Variants in HHIPL2 observed in about 807,000 individuals in gnomAD.
HHIPL2 encodes the protein HHIP like 2, also known as HHIP-like protein 2.
HHIPL2 carries 61 observed loss-of-function variants against 61.0 expected under a neutral mutation model. That is an observed-to-expected ratio of 1.00 (90% confidence interval 0.81 to 1.24). The LOEUF is 1.24. Among genes scored for constraint, HHIPL2 ranks in the 50% most tolerant of loss-of-function variants. The probability of loss-of-function intolerance (pLI) is 0.00; values close to 1 mark genes in which losing one functional copy is unlikely to be tolerated. For synonymous variants in HHIPL2, 343 were observed against 357.4 expected, an observed-to-expected ratio of 0.96 and a Z score of 0.45; for missense variants, 885 against 910.2, an observed-to-expected ratio of 0.97 and a Z score of 0.36.
rs751214626 is a variant in HHIPL2 at position 222,544,197 on chromosome 1, A to T, written c.322-8T>A. ...TGCGTAGGGCGAGCACTCCTAAAAA[A>T]GAACGCGGAGCTCAGGCTCAGCATC... On this transcript the variant is annotated splice_polypyrimidine_tract_variant and splice_region_variant and intron_variant, in intron 1 of 8. Transcript: ENST00000343410. 3.1e-6 allele frequency: 5 copies of T among 1,604,746 alleles called. No individual in the cohort carries two copies. The highest frequency in any genetic ancestry group is 4.3e-6 in the Non-Finnish European group (5 of 1,175,764).
Position 222,543,774 on chromosome 1 carries a change from G to A in HHIPL2, c.737C>T (p.Pro246Leu), listed in dbSNP as rs1211599983. 2 of 1,614,152 alleles carry A rather than the reference G, an allele frequency of 1.2e-6. No homozygotes were observed. The highest frequency in any genetic ancestry group is 1.7e-5 in the Admixed American group (1 of 60,024). The part of the protein sequence containing the change: ...EQVGVVWVYL[P>L]DGSRLEQPFL... Reference sequence around the variant, plus strand: ...GGGTTGCTCCAGGCGACTCCCATCAGGGAGGTAGACCCACACCACTCCTAC... The same window carrying A: ...GGGTTGCTCCAGGCGACTCCCATCAAGGAGGTAGACCCACACCACTCCTAC... Residue 246 changes from proline to leucine, a missense_variant, in exon 2 of 9, where the codon CCT (proline) becomes CTT (leucine). Physicochemically the swap from Pro to Leu is moderately conservative, Grantham distance 98. Coordinates refer to ENST00000343410, the MANE Select transcript of HHIPL2 (RefSeq NM_024746.4).
intron 7 of HHIPL2, among the ~76,000 whole-genome samples, chr1:222,525,947 C>T (rs1356995624): frequency 2.0e-5 from 3 of 151,698 alleles, no homozygotes; most frequent in Non-Finnish European, 2.9e-5. Flanking sequence ...TGCAGTGAGC[C>T]GAGATCGTGT....
intron 1 of HHIPL2, among the ~76,000 whole-genome samples, chr1:222,545,756 C>T (rs1035218900): frequency 2.0e-5 from 3 of 152,040 alleles, no homozygotes; most frequent in African/African-American, 7.3e-5. Flanking sequence ...TCTAGCCAGG[C>T]GCAGTAGCTC....
chr1:222,543,096 A>G (rs1659470641), intron 2 of HHIPL2, among the ~76,000 whole-genome samples: 1 of 152,158 alleles, frequency 6.6e-6, no homozygotes, highest in Admixed American at 6.5e-5. Context: ...GTCAGTTAAA[A>G]CTGAGTCCTC....
Position 222,527,065 on chromosome 1 carries a change from A to G in HHIPL2, c.1724-15T>C, listed in dbSNP as rs758755602. ...ATACAGCTCCCCTAAGGCAACAAAAATAGACAGGCAATAATGGGACATCAG... is the reference window on the plus strand; with the variant it reads ...ATACAGCTCCCCTAAGGCAACAAAAGTAGACAGGCAATAATGGGACATCAG... On this transcript the variant is annotated splice_polypyrimidine_tract_variant and intron_variant, in intron 6 of 8. Transcript: ENST00000343410. 6.2e-6 allele frequency: 10 copies of G among 1,600,380 alleles called. No individual in the cohort carries two copies. The highest frequency in any genetic ancestry group is 7.7e-6 in the Non-Finnish European group (9 of 1,168,942).
chr1:222,525,537 C>G (rs1170271728), intron 7 of HHIPL2, among the ~76,000 whole-genome samples: 1 of 152,128 alleles, frequency 6.6e-6, no homozygotes, highest in East Asian at 1.9e-4. Context: ...TAGAGCTGGC[C>G]CCCCCAAGCC....
chr1:222,544,859 G>A lies in HHIPL2; in HGVS notation c.322-670C>T, dbSNP rs561732649. Among the ~76,000 whole-genome samples, 5 of 152,322 alleles carry A rather than the reference G, an allele frequency of 3.3e-5. No homozygotes were observed. In the South Asian group the frequency reaches 8.3e-4, roughly 25 times the overall value. On this transcript the variant is annotated intron_variant, in intron 1 of 8. Transcript: ENST00000343410. ...AAAGTTATCAGAATTGACATTGGAT[G>A]TATCACTCTCAGAGATTAGGTGTTT...
chr1:222,538,973 T>G, intron 4 of HHIPL2, 199 bp from the exon 5 acceptor site: 3 of 522,656 alleles, frequency 5.7e-6, no homozygotes, highest in Non-Finnish European at 6.6e-6. Context: ...AACTTCCTAC[T>G]TAACTGCTAT....
intron 6 of HHIPL2, among the ~76,000 whole-genome samples, chr1:222,530,594 C>A (rs17163157): frequency 2.6e-5 from 4 of 151,976 alleles, no homozygotes; most frequent in Admixed American, 1.3e-4. Context: ...GGAAAGGGTC[C>A]GGGAGCTGAC....
intron 8 of HHIPL2, among the ~76,000 whole-genome samples, chr1:222,523,308 G>A (rs1658992207): frequency 6.6e-6 from 1 of 152,116 alleles, no homozygotes; most frequent in Non-Finnish European, 1.5e-5. Flanking sequence ...TATCCCTAGG[G>A]ATTAGCATAG....
In HHIPL2 at chr1:222,540,123, C is replaced by CCTCTTCAAA; in HGVS notation, c.1336_1337insTTTGAAGAG (p.Val445_Gly446insValTer). ...GTCAACCTCTTCAAACCTGTTCTGG[C>CCTCTTCAAA]CCACGTCCCCACAGAATATCCGGCC... is the stretch of plus-strand genomic sequence containing the variant. On this transcript the variant is annotated stop_gained, in exon 4 of 9. Transcript: ENST00000343410. LOFTEE classifies it high-confidence loss of function. 6.2e-7 allele frequency: 1 copy of CCTCTTCAAA among 1,614,270 alleles called. No individual in the cohort carries two copies. Among genetic ancestry groups the CCTCTTCAAA allele is most frequent in the Non-Finnish European group, 8.5e-7 (1 of 1,180,042 alleles).
chr1:222,527,721 T>C (rs998609075), intron 6 of HHIPL2, among the ~76,000 whole-genome samples: 1 of 152,168 alleles, frequency 6.6e-6, no homozygotes, highest in African/African-American at 2.4e-5. Flanking sequence ...CAATGGGAGA[T>C]AATTGAATCA....
At chr1:222,531,705 G>A (rs4846763) in intron 6 of HHIPL2, among the ~76,000 whole-genome samples, 70,169 of 151,900 alleles carry the variant, frequency 0.46, 17,089 homozygotes, top group East Asian at 0.66. Context: ...CCGAGATGGC[G>A]CCGCAGACAG....
chr1:222,532,504 C>G (rs781657271), intron 5 of HHIPL2, among the ~76,000 whole-genome samples: 23 of 151,950 alleles, frequency 1.5e-4, no homozygotes, highest in Non-Finnish European at 2.9e-4. Context: ...GTCCCAGCTA[C>G]TCGGGAGGCT....
rs772394115 is a variant in HHIPL2, at chr1:222,542,528, C to CTTTTTTTT, written c.975-381_975-374dup. Reference sequence around the variant, plus strand: ...GGGATTACCACCCCACCACATCTGGCTTTTTTTTTTTTTTTTTTTTGAGAT... The same window carrying CTTTTTTTT: ...GGGATTACCACCCCACCACATCTGGCTTTTTTTTTTTTTTTTTTTTTTTTTTTTGAGAT... On this transcript the variant is annotated intron_variant, in intron 2 of 8. Coordinates refer to ENST00000343410, the MANE Select transcript of HHIPL2 (RefSeq NM_024746.4). Among the ~76,000 whole-genome samples, 44 of 97,172 alleles carry CTTTTTTTT rather than the reference C, an allele frequency of 4.5e-4. 2 individuals are homozygous for CTTTTTTTT. Among genetic ancestry groups the CTTTTTTTT allele is most frequent in the African/African-American group, 6.7e-4 (16 of 24,052 alleles). 63.7% of individuals were successfully genotyped at this position (97,172 alleles called of 152,430 possible).
chr1:222,544,545 A>G (rs1659516283), intron 1 of HHIPL2, among the ~76,000 whole-genome samples: 1 of 152,058 alleles, frequency 6.6e-6, no homozygotes, highest in Admixed American at 6.6e-5. Context: ...TTTATTTTTC[A>G]TAGAAACGGC....
At chr1:222,537,066 G>T (rs1347100715) in intron 5 of HHIPL2, among the ~76,000 whole-genome samples, 1 of 151,738 alleles carries the variant, frequency 6.6e-6, no homozygotes, top group Non-Finnish European at 1.5e-5. Context: ...ATAAGATAAG[G>T]CATTATGACC....
intron 6 of HHIPL2, among the ~76,000 whole-genome samples, chr1:222,528,457 A>G (rs1389605142): frequency 6.6e-6 from 1 of 152,112 alleles, no homozygotes; most frequent in Non-Finnish European, 1.5e-5. Flanking sequence ...AAATACAAAA[A>G]TTATCCAGGC....
rs1659395827 is a variant in HHIPL2, at chr1:222,540,049, C to A, written c.1411G>T (p.Ala471Ser). The change falls in exon 4 of 9, where the codon GCA becomes TCA. Residue 471 changes from alanine (A) to serine (S), a missense_variant. Coordinates refer to ENST00000343410, the MANE Select transcript of HHIPL2 (RefSeq NM_024746.4). ...NYGWRAKEGF[A>S]CYDKKLCHNA... ...TGACAAAGTTTTTTGTCATAACATG[C>A]AAACCCTTCCTTTGCTCTCCAGCCA... 6.2e-6 allele frequency: 10 copies of A among 1,614,260 alleles called. No individual in the cohort carries two copies. The East Asian group carries it at 2.2e-4, about 36-fold the overall frequency.
Sources: allele counts gnomAD v4.1 joint callset (sites outside exome capture counted in the v4.1 genomes callset), GRCh38; gene constraint gnomAD v4.1.1; transcripts MANE v1.5; gene names NCBI Gene and HGNC (gene_info 2026-07-23, HGNC 2026-07-21).